GAREM2: variants seen among roughly 807,000 people sequenced by gnomAD.
The protein encoded by GAREM2 is GRB2 associated regulator of MAPK1 subtype 2.
In GAREM2, 30 loss-of-function variants were observed where a neutral mutation model predicts 55.6. That is an observed-to-expected ratio of 0.54 (90% CI 0.40 to 0.73). The LOEUF (loss-of-function observed/expected upper bound fraction) is 0.73, where lower values mean the gene tolerates loss of function less well. Among genes scored for constraint, GAREM2 ranks in the 30% least tolerant of loss-of-function variants. The probability of loss-of-function intolerance (pLI) is 0.00; values close to 1 mark genes in which losing one functional copy is unlikely to be tolerated. For missense variants in GAREM2, 1,075 were observed against 1,257.7 expected (o/e 0.85, Z 2.20); for synonymous variants, 550 against 569.1 (o/e 0.97, Z 0.48).
the GAREM2 span, chr2:26,197,660 A>G: frequency 1.0e-6 from 1 of 968,602 alleles, no homozygotes; most frequent in Non-Finnish European, 1.7e-6. Flanking sequence ...GCAATAAAAC[A>G]TCTCAGGGTT....
chr2:26,189,334 ATT>A lies in GAREM2; in HGVS notation c.*1078_*1079del, dbSNP rs1205331254. 3.3e-5 allele frequency: 5 copies of A among 152,106 alleles called. No individual in the cohort carries two copies. The highest frequency in any genetic ancestry group is 2.0e-4 in the Admixed American group (3 of 15,270). The allele number at this position is 152,106 out of a possible 1,614,324, so 9.4% of individuals were successfully genotyped here. A position where few individuals can be genotyped will look rare whatever the true frequency, so the allele number is the denominator to read the frequency against. Reference sequence around the variant, plus strand: ...CTGCTTGGTACCCAGAGCTCTGGTCATTGTGTCCAACCACACACCCCACCCCA... The same window carrying A: ...CTGCTTGGTACCCAGAGCTCTGGTCAGTGTCCAACCACACACCCCACCCCA... On this transcript the variant is annotated 3_prime_UTR_variant, in exon 6 of 6. Transcript: ENST00000401533.
chr2:26,185,326 G>A, intron 4 of GAREM2, 50 bp downstream of exon 4: 1 of 1,454,964 alleles, frequency 6.9e-7, no homozygotes, highest in South Asian at 1.3e-5. Flanking sequence ...AGGGCCCAAA[G>A]CCCGTTCTCC....
At chr2:26,201,076 C>G in the GAREM2 span, 1 of 1,131,836 alleles carries the variant, frequency 8.8e-7, no homozygotes, top group East Asian at 2.4e-5. Flanking sequence ...TTTCCTATAG[C>G]TCCTTTAAAA....
chr2:26,185,306 G>A lies in GAREM2; in HGVS notation c.1428+30G>A, dbSNP rs1458205808. The A allele has an allele frequency of 7.4e-6, 11 of 1,483,126 alleles. No individual in the cohort carries two copies. The South Asian group carries it at 1.3e-4, about 17-fold the overall frequency. 91.9% of individuals were successfully genotyped at this position (1,483,126 alleles called of 1,614,324 possible). On this transcript the variant is annotated intron_variant, in intron 4 of 5. Coordinates refer to ENST00000401533, the MANE Select transcript of GAREM2 (RefSeq NM_001168241.2). The stretch of plus-strand genomic sequence containing the variant: ...GTGAGCGCGCTGGGGGCCGAGTCCC[G>A]GGTCCAGCCAGGGCCCAAAGCCCGT...
At chr2:26,191,957 C>G (rs1388452006), downstream of GAREM2, among the ~76,000 whole-genome samples, 12 of 152,178 alleles carry the variant, frequency 7.9e-5, no homozygotes. Flanking sequence ...GAGAATCTGT[C>G]CTTCCAGCGG....
the GAREM2 span, chr2:26,197,666 G>T: frequency 5.9e-6 from 6 of 1,023,478 alleles, no homozygotes; most frequent in South Asian, 6.3e-5. Context: ...AAACATCTCA[G>T]GGTTTTTCTC....
At chr2:26,186,840 C>T (rs1280598920) in intron 5 of GAREM2, among the ~76,000 whole-genome samples, 1 of 152,120 alleles carries the variant, frequency 6.6e-6, no homozygotes, top group Non-Finnish European at 1.5e-5. Context: ...CCGGGCATTA[C>T]GGCACATGCC....
chr2:26,173,299 T>C lies in GAREM2; in HGVS notation c.79T>C (p.Cys27Arg). The stretch of plus-strand genomic sequence containing the variant: ...CCCGCTCGACCTCATCGTCAGCCGC[T>C]GCCGCCTGCCCACGCTCGCCTGCCT... Reference protein sequence around the residue: ...AFPLDLIVSRCRLPTLACLGP... With the variant: ...AFPLDLIVSRRRLPTLACLGP... The change falls in exon 1 of 6, where the codon TGC (cysteine) becomes CGC (arginine). Residue 27 changes from cysteine (C) to arginine (R), a missense_variant. This residue lies in a region of GAREM2 where 230 missense variants were observed against 310.6 expected (regional missense o/e 0.74). Coordinates refer to ENST00000401533, the MANE Select transcript of GAREM2 (RefSeq NM_001168241.2). The C allele has an allele frequency of 7.0e-7, 1 of 1,434,828 alleles. No individual in the cohort carries two copies. 88.9% of individuals were successfully genotyped at this position (1,434,828 alleles called of 1,614,324 possible). A position where few individuals can be genotyped will look rare whatever the true frequency, so the allele number is the denominator to read the frequency against.
At chr2:26,182,348 A>T (rs893371999) in intron 2 of GAREM2, 1 of 1,508,042 alleles carries the variant, frequency 6.6e-7, no homozygotes, top group Non-Finnish European at 8.9e-7. Flanking sequence ...AGGATTGGAT[A>T]TTGGACCAGG....
chr2:26,195,018 A>G, the GAREM2 span: 157 of 1,235,376 alleles, frequency 1.3e-4, no homozygotes, highest in Non-Finnish European at 1.7e-4. Flanking sequence ...AATATTTATA[A>G]ACAAGCCTGG....
chr2:26,200,966 T>C, the GAREM2 span, among the ~76,000 whole-genome samples: 3 of 152,084 alleles, frequency 2.0e-5, no homozygotes, highest in African/African-American at 7.2e-5. Flanking sequence ...ACTCCTTACC[T>C]CGTGATCCGC....
intron 2 of GAREM2, chr2:26,182,285 C>A (rs1669075341): frequency 1.4e-6 from 2 of 1,436,460 alleles, no homozygotes. Flanking sequence ...TTGGGAAGGC[C>A]TACTCTCAGG....
chr2:26,198,029 C>T, the GAREM2 span, among the ~76,000 whole-genome samples: 1 of 152,270 alleles, frequency 6.6e-6, no homozygotes, highest in South Asian at 2.1e-4. Flanking sequence ...CTTATCCTGA[C>T]CTGGAGACTA....
Position 26,188,357 on chromosome 2 carries a change from A to G in GAREM2, c.*100A>G. ...CTGCCTGCAAGAAGGATCTATGTCG[A>G]GACTGAGGCTGCTCAGCAGCCACTG... On this transcript the variant is annotated 3_prime_UTR_variant, in exon 6 of 6. Transcript: ENST00000401533. The G allele has an allele frequency of 1.1e-6, 1 of 934,902 alleles. No homozygotes were observed. Among genetic ancestry groups the G allele is most frequent in the Non-Finnish European group, 1.5e-6 (1 of 658,836 alleles). 57.9% of individuals were successfully genotyped at this position (934,902 alleles called of 1,614,324 possible).
chr2:26,182,187 T>G lies in GAREM2; in HGVS notation c.254-780T>G. ...AGAGAGCTTACACAGGGATGTCAGC[T>G]TCACAGACTGGCAATCACTTCCGTA... On this transcript the variant is annotated intron_variant, in intron 2 of 5. Transcript: ENST00000401533. 2.2e-6 allele frequency: 3 copies of G among 1,356,268 alleles called. No individual in the cohort carries two copies. The South Asian group carries it at 5.3e-5, about 24-fold the overall frequency. The allele number at this position is 1,356,268 out of a possible 1,614,324, so 84.0% of individuals were successfully genotyped here. A position where few individuals can be genotyped will look rare whatever the true frequency, so the allele number is the denominator to read the frequency against.
Position 26,173,202 on chromosome 2 carries a change from G to T in GAREM2, c.-19G>T. The T allele has an allele frequency of 8.5e-7, 1 of 1,173,802 alleles. No homozygotes were observed. The highest frequency in any genetic ancestry group is 1.1e-6 in the Non-Finnish European group (1 of 925,266). 72.7% of individuals were successfully genotyped at this position (1,173,802 alleles called of 1,614,324 possible). ...TGACCGTCGGGGCCCCGGGACGGCG[G>T]CCCCGGGGCGCCCATGCCATGGAGA... On this transcript the variant is annotated 5_prime_UTR_variant, in exon 1 of 6. Coordinates refer to ENST00000401533, the MANE Select transcript of GAREM2 (RefSeq NM_001168241.2).
intron 2 of GAREM2, chr2:26,181,987 C>T: frequency 1.0e-6 from 1 of 989,418 alleles, no homozygotes; most frequent in Non-Finnish European, 1.2e-6. Flanking sequence ...AAAAAAAACA[C>T]CCAGAGGCTA....
chr2:26,196,919 C>G, the GAREM2 span, among the ~76,000 whole-genome samples: 1 of 152,238 alleles, frequency 6.6e-6, no homozygotes, highest in African/African-American at 2.4e-5. Context: ...CTGCCTCTGT[C>G]AGGTCCCCGC....
chr2:26,185,027 C>T lies in GAREM2; in HGVS notation c.1179C>T (p.Ala393=). The T allele has an allele frequency of 7.9e-6, 9 of 1,141,166 alleles. No homozygotes were observed. Among genetic ancestry groups the T allele is most frequent in the Non-Finnish European group, 9.7e-6 (9 of 929,986 alleles). 70.7% of individuals were successfully genotyped at this position (1,141,166 alleles called of 1,614,324 possible). Reference sequence around the variant, plus strand: ...CGCGCGCCCCCGGGCTCGCCCGCGCCCCCGGCCCGCTAGCGCCGGCTCCCG... The same window carrying T: ...CGCGCGCCCCCGGGCTCGCCCGCGCTCCCGGCCCGCTAGCGCCGGCTCCCG... ...PAPRAPGLAR[A]PGPLAPAPAG... is the part of the protein sequence containing the mutation. Residue 393 remains alanine (A), a synonymous_variant, in exon 4 of 6, where the codon GCC becomes GCT. Transcript: ENST00000401533.
Sources: allele counts gnomAD v4.1 joint callset (sites outside exome capture counted in the v4.1 genomes callset), GRCh38; gene constraint gnomAD v4.1.1; regional missense constraint gnomAD v4.1.1; transcripts MANE v1.5; gene names NCBI Gene and HGNC (gene_info 2026-07-23, HGNC 2026-07-21).